The following FLT3 variants were observed in gnomAD, a reference collection of about 807,000 sequenced individuals.
FLT3 encodes the protein fms related receptor tyrosine kinase 3, also known as receptor-type tyrosine-protein kinase FLT3.
In FLT3, 46 loss-of-function variants were observed where a neutral mutation model predicts 126.6. That is an observed-to-expected ratio of 0.36 (90% CI 0.29 to 0.46). FLT3 has a LOEUF of 0.46. Ranked by LOEUF, FLT3 falls within the 20% of genes least tolerant of loss-of-function variation. The pLI, the probability that FLT3 is intolerant of heterozygous loss-of-function variation, is 1.00. For synonymous variants in FLT3, 404 were observed against 434.4 expected, an observed-to-expected ratio of 0.93 and a Z score of 0.87; for missense variants, 1,069 against 1,190.3, an observed-to-expected ratio of 0.90 and a Z score of 1.50.
At position 28,015,532 on chromosome 13, in the gene FLT3, G is replaced by T; in HGVS notation, c.2653+58C>A. 4 of 944,494 alleles carry T rather than the reference G, an allele frequency of 4.2e-6. No individual in the cohort carries two copies. Among genetic ancestry groups the T allele is most frequent in the African/African-American group, 1.6e-5 (1 of 61,242 alleles). The allele number at this position is 944,494 out of a possible 1,614,324, so 58.5% of individuals were successfully genotyped here. A position where few individuals can be genotyped will look rare whatever the true frequency, so the allele number is the denominator to read the frequency against. ...TTGGGGGGAGGGGTGGGGCGGCACC[G>T]AGAGAGCAGAGGATGCAAAGCCAGG... On this transcript the variant is annotated intron_variant, in intron 21 of 23. Coordinates refer to ENST00000241453, the MANE Select transcript of FLT3 (RefSeq NM_004119.3).
At chr13:28,034,903 C>T (rs1873690164) in intron 12 of FLT3, among the ~76,000 whole-genome samples, 1 of 150,828 alleles carries the variant, frequency 6.6e-6, no homozygotes, top group Admixed American at 6.6e-5. Context: ...CAAGATCACG[C>T]CACTGCACTG....
At chr13:28,005,575 C>T (rs1870811013) in intron 23 of FLT3, among the ~76,000 whole-genome samples, 1 of 151,920 alleles carries the variant, frequency 6.6e-6, no homozygotes, top group Non-Finnish European at 1.5e-5. Context: ...ACTGATGCAT[C>T]ATAATTAACC....
intron 1 of FLT3, among the ~76,000 whole-genome samples, chr13:28,091,783 A>C (rs1328531063): frequency 6.6e-6 from 1 of 152,052 alleles, no homozygotes; most frequent in African/African-American, 2.4e-5. Context: ...AAAATAAAAA[A>C]TAGGCCAGGC....
chr13:28,010,720 A>T (rs778097089), intron 23 of FLT3, among the ~76,000 whole-genome samples: 10 of 152,102 alleles, frequency 6.6e-5, no homozygotes, highest in Non-Finnish European at 1.0e-4. Flanking sequence ...AGAAACAAAG[A>T]TTCTGGCCGG....
At chr13:28,048,247 G>A in intron 9 of FLT3, 28 bp downstream of exon 9, 2 of 1,559,784 alleles carry the variant, frequency 1.3e-6, no homozygotes, top group Non-Finnish European at 1.7e-6. Context: ...TGCTAAAAAT[G>A]GTATCTTAGA....
rs923217034 is a variant in FLT3 at position 28,049,685 on chromosome 13, T to G, written c.832A>C (p.Asn278His). The part of the protein sequence containing the change: ...LWIRCKAVHV[N>H]HGFGLTWELE... ...TCCCAGGTGAGCCCGAATCCATGGTTCACATGAACAGCTTTGCACCTTATC... is the reference window on the plus strand; with the variant it reads ...TCCCAGGTGAGCCCGAATCCATGGTGCACATGAACAGCTTTGCACCTTATC... Residue 278 changes from asparagine to histidine, a missense_variant, in exon 7 of 24, where the codon AAC becomes CAC. Physicochemically the swap from Asn to His is moderately conservative, Grantham distance 68. Transcript: ENST00000241453. The G allele has an allele frequency of 1.5e-5, 24 of 1,614,094 alleles. 1 individual carries two copies. The highest frequency in any genetic ancestry group is 1.9e-5 in the Non-Finnish European group (22 of 1,180,032).
chr13:28,044,820 A>C (rs1389748239), intron 9 of FLT3, among the ~76,000 whole-genome samples: 5 of 152,230 alleles, frequency 3.3e-5, no homozygotes, highest in African/African-American at 9.6e-5. Flanking sequence ...CTTGCAGTGA[A>C]GAGGATGCTG....
chr13:28,005,339 A>AAAAAGGAAAAGAG lies in FLT3; in HGVS notation c.2860-1166_2860-1165insCTCTTTTCCTTTT, dbSNP rs1203592407. 3.9e-5 allele frequency among the ~76,000 whole-genome samples: 6 copies of AAAAAGGAAAAGAG among 152,244 alleles called. 1 individual carries two copies. The highest frequency in any genetic ancestry group is 1.4e-4 in the African/African-American group (6 of 41,538). On this transcript the variant is annotated intron_variant, in intron 23 of 23. Coordinates refer to ENST00000241453, the MANE Select transcript of FLT3 (RefSeq NM_004119.3). ...GCAAGACTCCATCTCAAAAAAAAGA[A>AAAAAGGAAAAGAG]AAAAGGCTACAAGTCATGACAAGTA... is the stretch of plus-strand genomic sequence containing the variant.
chr13:28,039,167 T>A lies in FLT3; in HGVS notation c.1206-1879A>T, dbSNP rs535963144. Among the ~76,000 whole-genome samples, 3 of 152,284 alleles carry A rather than the reference T, an allele frequency of 2.0e-5. No homozygotes were observed. The East Asian group carries it at 5.8e-4, about 29-fold the overall frequency. ...GTGAGGAGGAACGGCAAGCCTCTCATGGGAGCAGAATATCATGAACAGTAT... is the reference window on the plus strand; with the variant it reads ...GTGAGGAGGAACGGCAAGCCTCTCAAGGGAGCAGAATATCATGAACAGTAT... On this transcript the variant is annotated intron_variant, in intron 9 of 23. Transcript: ENST00000241453.
chr13:28,077,207 C>G (rs879914705), intron 1 of FLT3, among the ~76,000 whole-genome samples: 13 of 152,108 alleles, frequency 8.5e-5, no homozygotes, highest in Non-Finnish European at 1.0e-4. Context: ...AAGCATGATG[C>G]TAGCATCTGC....
At chr13:28,045,314 C>G (rs906289077) in intron 9 of FLT3, among the ~76,000 whole-genome samples, 5 of 152,194 alleles carry the variant, frequency 3.3e-5, no homozygotes, top group Non-Finnish European at 7.3e-5. Flanking sequence ...TTCACTCTTG[C>G]AGCCCATCAC....
chr13:28,075,130 G>A (rs566175593), intron 1 of FLT3, among the ~76,000 whole-genome samples: 11 of 152,118 alleles, frequency 7.2e-5, no homozygotes, highest in Admixed American at 1.3e-4. Context: ...ATATACTCAC[G>A]GAGTATAATG....
intron 2 of FLT3, among the ~76,000 whole-genome samples, chr13:28,064,568 T>A (rs188947966): frequency 1.1e-3 from 163 of 151,840 alleles, no homozygotes; most frequent in Non-Finnish European, 1.9e-3. Context: ...TGAGACTCCA[T>A]CTCAAAAAAA....
At chr13:28,095,760 GGTTA>G (rs1268350240) in intron 1 of FLT3, among the ~76,000 whole-genome samples, 1 of 152,106 alleles carries the variant, frequency 6.6e-6, no homozygotes, top group Non-Finnish European at 1.5e-5. Flanking sequence ...GAATGATAGG[GGTTA>G]GTTACTGTCA....
At chr13:28,031,870 G>A (rs1873380144) in intron 15 of FLT3, among the ~76,000 whole-genome samples, 1 of 152,186 alleles carries the variant, frequency 6.6e-6, no homozygotes, top group Non-Finnish European at 1.5e-5. Flanking sequence ...GATCTGCTTA[G>A]CCTTTCGCCA....
intron 23 of FLT3, chr13:28,009,328 C>T (rs1871175753): frequency 6.6e-6 from 1 of 152,222 alleles, no homozygotes; most frequent in Non-Finnish European, 1.5e-5. Flanking sequence ...GTTGATTTCA[C>T]CATGTGGCTG....
intron 18 of FLT3, among the ~76,000 whole-genome samples, chr13:28,024,125 TTTTC>T (rs138479501): frequency 0.16 from 23,647 of 147,258 alleles, 1,724 homozygotes; most frequent in Admixed American, 0.22. Context: ...CTTCCTTTTT[TTTTC>T]TTTCTTTCTT....
chr13:28,048,087 AAAGT>A (rs1410285193), intron 9 of FLT3, among the ~76,000 whole-genome samples, 184 bp downstream of exon 9: 1 of 152,212 alleles, frequency 6.6e-6, no homozygotes, highest in Non-Finnish European at 1.5e-5. Flanking sequence ...TATATTATCT[AAAGT>A]AATGGTAAGA....
chr13:28,004,099 T>C lies in FLT3; in HGVS notation c.2935A>G (p.Met979Val). 2 of 1,614,018 alleles carry C rather than the reference T, an allele frequency of 1.2e-6. No homozygotes were observed. The highest frequency in any genetic ancestry group is 1.7e-4 in the Middle Eastern group (1 of 6,026). Residue 979 changes from methionine to valine, a missense_variant, in exon 24 of 24, where the codon ATG becomes GTG. Physicochemically the swap from Met to Val is conservative, Grantham distance 21 (BLOSUM62 1). Transcript: ENST00000241453. ...TGCGGAGAGAGTAGCCCCAAATCCATCTCTCTGCTGAAAGGTCGCCTGTTT... is the reference window on the plus strand; with the variant it reads ...TGCGGAGAGAGTAGCCCCAAATCCACCTCTCTGCTGAAAGGTCGCCTGTTT... The part of the protein sequence containing the change: ...YQNRRPFSRE[M>V]DLGLLSPQAQ...
Sources: allele counts gnomAD v4.1 joint callset (sites outside exome capture counted in the v4.1 genomes callset), GRCh38; gene constraint gnomAD v4.1.1; transcripts MANE v1.5; gene names NCBI Gene and HGNC (gene_info 2026-07-23, HGNC 2026-07-21).